Variants in TMEM178B observed in about 807,000 individuals in gnomAD.
TMEM178B encodes the protein transmembrane protein 178B.
Under a neutral mutation model 31.0 loss-of-function variants are expected in TMEM178B, and 5 were observed. The ratio of observed to expected loss-of-function variants is 0.16; its 90% CI spans 0.08 to 0.34. The LOEUF (loss-of-function observed/expected upper bound fraction) is 0.34, where lower values mean the gene tolerates loss of function less well. Ranked by LOEUF, TMEM178B falls within the 10% of genes least tolerant of loss-of-function variation. The pLI is 1.00. For synonymous variants in TMEM178B, 164 were observed against 164.0 expected, an observed-to-expected ratio of 1.00 and a Z score of 0.00; for missense variants, 275 against 400.3, an observed-to-expected ratio of 0.69 and a Z score of 2.67.
At chr7:141,144,849 G>A (rs1586793956) in intron 1 of TMEM178B, among the ~76,000 whole-genome samples, 1 of 152,240 alleles carries the variant, frequency 6.6e-6, no homozygotes, top group South Asian at 2.1e-4. Flanking sequence ...TGAATTCTCA[G>A]TTGGCCCACA....
chr7:141,260,953 A>C (rs1338082268), intron 2 of TMEM178B, among the ~76,000 whole-genome samples: 1 of 152,174 alleles, frequency 6.6e-6, no homozygotes, highest in African/African-American at 2.4e-5. Flanking sequence ...TTAATAAAAG[A>C]TAATATAGGC....
chr7:141,179,140 C>T (rs1796477397), intron 1 of TMEM178B, among the ~76,000 whole-genome samples: 1 of 152,204 alleles, frequency 6.6e-6, no homozygotes, highest in Non-Finnish European at 1.5e-5. Flanking sequence ...TAGAATAAGA[C>T]TTCAGACTAG....
At chr7:141,234,107 C>T (rs776905384) in intron 2 of TMEM178B, among the ~76,000 whole-genome samples, 2 of 152,208 alleles carry the variant, frequency 1.3e-5, no homozygotes, top group Non-Finnish European at 2.9e-5. Flanking sequence ...TTGCCTGCCT[C>T]TTGCTAGTCT....
rs930819742 is a variant in TMEM178B, at chr7:141,318,479, T to A, written c.496+105775T>A. Among the ~76,000 whole-genome samples the A allele has an allele frequency of 3.9e-5, 6 of 152,248 alleles. No homozygotes were observed. Among genetic ancestry groups the A allele is most frequent in the African/African-American group, 1.4e-4 (6 of 41,464 alleles). On this transcript the variant is annotated intron_variant, in intron 2 of 3. Transcript: ENST00000565468. The surrounding 1 kb of genome is among the most constrained non-coding windows in gnomAD (Gnocchi z 4.1). Reference sequence around the variant, plus strand: ...TTTATTTAGCTTTCATTTCTTTGAATACGTGTTTTATCTGATTTTAAAACT... The same window carrying A: ...TTTATTTAGCTTTCATTTCTTTGAAAACGTGTTTTATCTGATTTTAAAACT...
intron 2 of TMEM178B, among the ~76,000 whole-genome samples, chr7:141,373,856 C>T (rs1563165006): frequency 6.6e-6 from 1 of 152,172 alleles, no homozygotes; most frequent in African/African-American, 2.4e-5. Context: ...AACCTCTGCT[C>T]AGGAGTCAAA....
intron 1 of TMEM178B, among the ~76,000 whole-genome samples, chr7:141,084,616 A>G (rs1471731279): frequency 6.6e-6 from 1 of 152,038 alleles, no homozygotes; most frequent in Non-Finnish European, 1.5e-5. Flanking sequence ...TCTTAGAGAG[A>G]GATTTGTGGA....
chr7:141,409,035 G>T (rs1455890659), intron 2 of TMEM178B, among the ~76,000 whole-genome samples: 2 of 152,210 alleles, frequency 1.3e-5, no homozygotes, highest in Admixed American at 6.5e-5. Flanking sequence ...CGCCACTGAA[G>T]GTCTTGACTT....
At chr7:141,193,980 T>C (rs1170163209) in intron 1 of TMEM178B, among the ~76,000 whole-genome samples, 1 of 152,142 alleles carries the variant, frequency 6.6e-6, no homozygotes, top group Non-Finnish European at 1.5e-5. Context: ...CAGAACCCCC[T>C]GATAAACCCA....
rs137972017 is a variant in TMEM178B at position 141,287,352 on chromosome 7, A to T, written c.496+74648A>T. Among the ~76,000 whole-genome samples the T allele has an allele frequency of 3.4e-3, 512 of 152,302 alleles. 3 individuals carry two copies. Among genetic ancestry groups the T allele is most frequent in the African/African-American group, 0.012 (495 of 41,570 alleles). On this transcript the variant is annotated intron_variant, in intron 2 of 3. Coordinates refer to ENST00000565468, the MANE Select transcript of TMEM178B (RefSeq NM_001195278.2). ...ATGGCTCAATTTTTATGTCTCTCAT[A>T]TCCTTTGTTTTTCTTTCTCATATAT... is the stretch of plus-strand genomic sequence containing the variant.
At chr7:141,309,040 G>A (rs1798864818) in intron 2 of TMEM178B, among the ~76,000 whole-genome samples, 1 of 152,032 alleles carries the variant, frequency 6.6e-6, no homozygotes, top group East Asian at 1.9e-4. Context: ...AACTACAAGA[G>A]GCTTTATTTT....
At chr7:141,362,771 G>A (rs893538615) in intron 2 of TMEM178B, among the ~76,000 whole-genome samples, 50 of 152,148 alleles carry the variant, frequency 3.3e-4, no homozygotes, top group African/African-American at 1.1e-3. Flanking sequence ...ACCTCAGCTG[G>A]GCAGAGATGC....
intron 1 of TMEM178B, among the ~76,000 whole-genome samples, chr7:141,093,966 T>C (rs965958963): frequency 6.6e-6 from 1 of 152,122 alleles, no homozygotes; most frequent in African/African-American, 2.4e-5. Flanking sequence ...TTGGTATAAA[T>C]ATAAAGAAAG....
intron 2 of TMEM178B, among the ~76,000 whole-genome samples, chr7:141,410,215 T>C (rs1456245196): frequency 6.6e-6 from 1 of 152,070 alleles, no homozygotes; most frequent in African/African-American, 2.4e-5. Context: ...CAGCGGGGAG[T>C]CTGGGTCTGC....
chr7:141,386,624 C>A (rs139536448), intron 2 of TMEM178B, among the ~76,000 whole-genome samples: 6 of 152,146 alleles, frequency 3.9e-5, no homozygotes, highest in African/African-American at 1.4e-4. Flanking sequence ...AGAACATTCT[C>A]GGGTTTTAAA....
At position 141,085,295 on chromosome 7, in the gene TMEM178B, C is replaced by T. The variant is rs531031465; in HGVS notation, c.382+10603C>T. The stretch of plus-strand genomic sequence containing the variant: ...TACAGGTGTGAGCCACCATGCCTGG[C>T]CTATTTTTTGTAAATTTGTATGCAC... On this transcript the variant is annotated intron_variant, in intron 1 of 3. Transcript: ENST00000565468. Among the ~76,000 whole-genome samples the T allele has an allele frequency of 1.1e-4, 16 of 151,718 alleles. No homozygotes were observed. In the South Asian group the frequency reaches 1.5e-3, roughly 14 times the overall value.
At chr7:141,492,798 T>C in the TMEM178B span, among the ~76,000 whole-genome samples, 10 of 152,278 alleles carry the variant, frequency 6.6e-5, no homozygotes, top group African/African-American at 2.2e-4. Flanking sequence ...CTCCTCTCTC[T>C]CTTGTCCCCA....
In TMEM178B at chr7:141,294,032, G is replaced by A. The variant is rs570752930; in HGVS notation, c.496+81328G>A. Among the ~76,000 whole-genome samples the A allele has an allele frequency of 8.5e-5, 13 of 152,258 alleles. No individual in the cohort carries two copies. In the South Asian group the frequency reaches 2.5e-3, roughly 29 times the overall value. On this transcript the variant is annotated intron_variant, in intron 2 of 3. Transcript: ENST00000565468. ...AGGAGAAATAGGTCACATCATGGTG[G>A]GAAGAGCAGAGAATTTGAATGGGGA... is the stretch of plus-strand genomic sequence containing the variant.
At chr7:141,327,271 G>T (rs1029549879) in intron 2 of TMEM178B, among the ~76,000 whole-genome samples, 2 of 152,316 alleles carry the variant, frequency 1.3e-5, no homozygotes, top group East Asian at 3.9e-4. Flanking sequence ...ATATTGGGCA[G>T]AGAGTGTAGA....
At chr7:141,231,262 T>C (rs550166204) in intron 2 of TMEM178B, among the ~76,000 whole-genome samples, 24 of 151,714 alleles carry the variant, frequency 1.6e-4, no homozygotes, top group African/African-American at 5.8e-4. Flanking sequence ...CTTCTCAAAG[T>C]TCAGGTTTCT....
Sources: allele counts gnomAD v4.1 joint callset (sites outside exome capture counted in the v4.1 genomes callset), GRCh38; gene constraint gnomAD v4.1.1; non-coding constraint Gnocchi (gnomAD v3.1); transcripts MANE v1.5; gene names NCBI Gene and HGNC (gene_info 2026-07-23, HGNC 2026-07-21).